Variants in BEGAIN observed in about 807,000 individuals in gnomAD.
The protein encoded by BEGAIN is brain enriched guanylate kinase associated, also known as brain-enriched guanylate kinase-associated protein.
A neutral mutation model predicts 35.8 loss-of-function variants in BEGAIN; 19 were observed. The observed-to-expected ratio is 0.53, with a 90% CI of 0.37 to 0.78. The LOEUF (loss-of-function observed/expected upper bound fraction) is 0.78, where lower values mean the gene tolerates loss of function less well. Ranked by LOEUF, BEGAIN falls within the 30% of genes least tolerant of loss-of-function variation. The pLI, the probability that BEGAIN is intolerant of heterozygous loss-of-function variation, is 0.00. For synonymous variants in BEGAIN, 462 were observed against 388.6 expected (o/e 1.19, Z -2.22); for missense variants, 795 against 853.6 (o/e 0.93, Z 0.85).
At chr14:100,560,943 A>G (rs952635553) in intron 2 of BEGAIN, among the ~76,000 whole-genome samples, 1 of 152,144 alleles carries the variant, frequency 6.6e-6, no homozygotes, top group African/African-American at 2.4e-5. Context: ...TGCTTTGCAG[A>G]CACGGGGGAC....
chr14:100,581,824 T>C (rs1354050896), intron 1 of BEGAIN, among the ~76,000 whole-genome samples: 5 of 152,320 alleles, frequency 3.3e-5, no homozygotes, highest in Admixed American at 3.3e-4. Context: ...AGAAGGGGCA[T>C]GAGGCTGCCC....
intron 2 of BEGAIN, among the ~76,000 whole-genome samples, chr14:100,555,995 C>T (rs572916737): frequency 3.9e-5 from 6 of 152,096 alleles, no homozygotes; most frequent in Admixed American, 2.6e-4. Flanking sequence ...TGTGTGTGTA[C>T]GTGGTGTGTA....
rs774474791 is a variant in BEGAIN, at chr14:100,538,317, C to G, written c.1491G>C (p.Glu497Asp). 1.9e-4 allele frequency: 294 copies of G among 1,522,214 alleles called. No individual in the cohort carries two copies. Among genetic ancestry groups the G allele is most frequent in the Non-Finnish European group, 2.4e-4 (273 of 1,142,892 alleles). The allele number at this position is 1,522,214 out of a possible 1,614,324, so 94.3% of individuals were successfully genotyped here. ...YASYKADSFS[E>D]GDDLSQGHLA... ...GGTGGCCCTGGGAGAGGTCGTCCCC[C>G]TCGGAGAAGCTGTCGGCCTTGTAGC... The change falls in exon 7 of 7, where the codon GAG becomes GAC. Residue 497 changes from glutamate (E) to aspartate (D), a missense_variant. Glu to Asp is a conservative substitution (Grantham distance 45). Coordinates refer to ENST00000554140, the MANE Select transcript of BEGAIN (RefSeq NM_001385089.1).
intron 1 of BEGAIN, among the ~76,000 whole-genome samples, chr14:100,585,536 A>G (rs1250123754): frequency 6.7e-6 from 1 of 150,138 alleles, no homozygotes; most frequent in Non-Finnish European, 1.5e-5. Flanking sequence ...TGCCGTGGAG[A>G]TGATGCGTGG....
intron 4 of BEGAIN, 40 bp from the exon 5 acceptor site, chr14:100,544,005 C>T: frequency 6.6e-7 from 1 of 1,524,022 alleles, no homozygotes; most frequent in South Asian, 1.2e-5. Flanking sequence ...CCGTGGTTGG[C>T]TCCTGGTGAG....
Position 100,538,288 on chromosome 14 carries a change from G to A in BEGAIN, c.1520C>T (p.Ala507Val), listed in dbSNP as rs770731711. 1 of 1,554,170 alleles carries A rather than the reference G, an allele frequency of 6.4e-7. No homozygotes were observed. The change falls in exon 7 of 7, where the codon GCA becomes GTA. Residue 507 changes from alanine (A) to valine (V), a missense_variant. Around this residue, in one of 3 missense-constraint regions of BEGAIN, gnomAD observed 664 missense variants for 647.7 expected, o/e 1.03. Transcript: ENST00000554140. ...GCCCGCCCGCAGGAAGCAGGGCTCTGCCAGGTGGCCCTGGGAGAGGTCGTC... is the reference window on the plus strand; with the variant it reads ...GCCCGCCCGCAGGAAGCAGGGCTCTACCAGGTGGCCCTGGGAGAGGTCGTC... ...EGDDLSQGHL[A>V]EPCFLRAGGD...
chr14:100,582,894 C>T (rs919132762), intron 1 of BEGAIN, among the ~76,000 whole-genome samples: 12 of 151,758 alleles, frequency 7.9e-5, no homozygotes, highest in South Asian at 2.1e-4. Context: ...CCTGCGCCTG[C>T]GTAGTATATG....
intron 5 of BEGAIN, among the ~76,000 whole-genome samples, chr14:100,541,871 A>C (rs997512969): frequency 6.6e-6 from 1 of 152,118 alleles, no homozygotes; most frequent in African/African-American, 2.4e-5. Context: ...CTCACGGGAC[A>C]CTCTGGCAGA....
chr14:100,543,756 C>T, intron 5 of BEGAIN, 102 bp downstream of exon 5: 1 of 915,062 alleles, frequency 1.1e-6, no homozygotes, highest in South Asian at 1.5e-5. Flanking sequence ...CAGCTGAGCT[C>T]AGGACCCTTC....
chr14:100,574,004 T>C (rs1349686159), intron 1 of BEGAIN, among the ~76,000 whole-genome samples: 1 of 151,970 alleles, frequency 6.6e-6, no homozygotes, highest in Non-Finnish European at 1.5e-5. Flanking sequence ...GGGGGCTGTC[T>C]CAAGGAGGAG....
chr14:100,564,841 GA>G (rs1300155990), intron 2 of BEGAIN, among the ~76,000 whole-genome samples: 1 of 151,992 alleles, frequency 6.6e-6, no homozygotes, highest in African/African-American at 2.4e-5. Flanking sequence ...ATGTCAGTGG[GA>G]GCCCCACTGA....
chr14:100,555,050 G>A (rs1013691574), intron 2 of BEGAIN, among the ~76,000 whole-genome samples: 18 of 152,232 alleles, frequency 1.2e-4, no homozygotes, highest in African/African-American at 3.9e-4. Context: ...GAAGGTCTTT[G>A]TCCCCAAAGC....
In BEGAIN at chr14:100,539,213, TG is replaced by T; in HGVS notation, c.594del (p.Thr199ProfsTer72). 1.3e-6 allele frequency: 2 copies of T among 1,585,382 alleles called. No homozygotes were observed. The highest frequency in any genetic ancestry group is 1.2e-5 in the South Asian group (1 of 86,364). ...TCCAGCACCTTGGCAATGACGCAGG[TG>T]GGGACGCTGTCGGCGTAGGCCGGGT... ...LCHPAYADSV[P>X]TCVIAKVLEK... is the part of the protein sequence containing the mutation. On this transcript the variant is annotated frameshift_variant, in exon 7 of 7. Transcript: ENST00000554140. LOFTEE classifies it high-confidence loss of function.
Position 100,568,089 on chromosome 14 carries a change from C to A in BEGAIN, c.43-150G>T. 1 of 1,052,472 alleles carries A rather than the reference C, an allele frequency of 9.5e-7. No individual in the cohort carries two copies. Among genetic ancestry groups the A allele is most frequent in the Non-Finnish European group, 1.1e-6 (1 of 875,316 alleles). The allele number at this position is 1,052,472 out of a possible 1,614,324, so 65.2% of individuals were successfully genotyped here. On this transcript the variant is annotated intron_variant, in intron 1 of 6. Transcript: ENST00000554140. This position sits in a 1 kb window ranked among gnomAD's most constrained non-coding sequence, Gnocchi z 7.5. Reference sequence around the variant, plus strand: ...GCGCCGCGCGTCCCCAGCTTCCAGTCCCGGCCGCGGCCCCCGTGACTCAGT... The same window carrying A: ...GCGCCGCGCGTCCCCAGCTTCCAGTACCGGCCGCGGCCCCCGTGACTCAGT...
rs1214306778 is a variant in BEGAIN at position 100,573,845 on chromosome 14, C to A, written c.43-5906G>T. ...AGCACTGGGGAGGCCGCCAGGGCAG[C>A]CACGGTGGGAGGCGACAGGGGCTGG... On this transcript the variant is annotated intron_variant, in intron 1 of 6. Coordinates refer to ENST00000554140, the MANE Select transcript of BEGAIN (RefSeq NM_001385089.1). The surrounding 1 kb of genome is among the most constrained non-coding windows in gnomAD (Gnocchi z 4.2). 6.6e-6 allele frequency among the ~76,000 whole-genome samples: 1 copy of A among 151,874 alleles called. No homozygotes were observed. Among genetic ancestry groups the A allele is most frequent in the Non-Finnish European group, 1.5e-5 (1 of 67,972 alleles).
In BEGAIN at chr14:100,558,787, C is replaced by T. The variant is rs1348356285; in HGVS notation, c.71+9124G>A. On this transcript the variant is annotated intron_variant, in intron 2 of 6. Transcript: ENST00000554140. The surrounding 1 kb of genome is among the most constrained non-coding windows in gnomAD (Gnocchi z 4.6). ...CCCACCACACCAGGCCCACTCCTTT[C>T]AAGTGACTGCCGCACAGCCCCATGG... is the stretch of plus-strand genomic sequence containing the variant. Among the ~76,000 whole-genome samples the T allele has an allele frequency of 6.6e-6, 1 of 152,232 alleles. No homozygotes were observed. Among genetic ancestry groups the T allele is most frequent in the Non-Finnish European group, 1.5e-5 (1 of 68,038 alleles).
At chr14:100,562,737 GCC>G (rs1326969459) in intron 2 of BEGAIN, among the ~76,000 whole-genome samples, 1 of 152,134 alleles carries the variant, frequency 6.6e-6, no homozygotes, top group African/African-American at 2.4e-5. Flanking sequence ...CCCGCTCAGG[GCC>G]TTCCCTGAGC....
Position 100,538,389 on chromosome 14 carries a change from G to T in BEGAIN, c.1419C>A (p.Gly473=). The change falls in exon 7 of 7, where the codon GGC becomes GGA. Residue 473 remains glycine (G), a synonymous_variant. Transcript: ENST00000554140. ...GGCCGTCGGCCTTCTTGCCCGGGCT[G>T]CCCCCGGCCCCGCCGTAGTAGCGTT... ...FSERYYGGAG[G]SPGKKADGRA... is the part of the protein sequence containing the mutation. The T allele has an allele frequency of 6.6e-7, 1 of 1,520,278 alleles. No individual in the cohort carries two copies. Among genetic ancestry groups the T allele is most frequent in the Non-Finnish European group, 8.8e-7 (1 of 1,141,072 alleles). The allele number at this position is 1,520,278 out of a possible 1,614,324, so 94.2% of individuals were successfully genotyped here.
chr14:100,550,858 G>C (rs1366547146), intron 2 of BEGAIN, among the ~76,000 whole-genome samples: 1 of 152,206 alleles, frequency 6.6e-6, no homozygotes, highest in African/African-American at 2.4e-5. Context: ...GGGGGGCGCA[G>C]CAGCAGCCCC....
Sources: gnomAD v4.1 joint callset for allele counts (sites outside exome capture counted in the v4.1 genomes callset) on GRCh38, gnomAD v4.1.1 for gene constraint, gnomAD v4.1.1 regional missense constraint, Gnocchi (gnomAD v3.1) non-coding constraint, MANE v1.5 for transcripts, NCBI Gene and HGNC (gene_info 2026-07-23, HGNC 2026-07-21) for gene names.